CDK5RAP2: variants seen among roughly 807,000 people sequenced by gnomAD.
The protein encoded by CDK5RAP2 is CDK5 regulatory subunit-associated protein 2.
CDK5RAP2 carries 147 observed loss-of-function variants against 232.9 expected under a neutral mutation model. That is an observed-to-expected ratio of 0.63 (90% confidence interval 0.55 to 0.72). The LOEUF (loss-of-function observed/expected upper bound fraction) is 0.72. CDK5RAP2 is among the 30% of genes least tolerant of loss of function. The pLI, the probability that CDK5RAP2 is intolerant of heterozygous loss-of-function variation, is 0.00. For synonymous variants in CDK5RAP2, 833 were observed against 833.7 expected, an observed-to-expected ratio of 1.00 and a Z score of 0.01; for missense variants, 2,195 against 2,231.5, an observed-to-expected ratio of 0.98 and a Z score of 0.33.
intron 3 of CDK5RAP2, among the ~76,000 whole-genome samples, chr9:120,560,465 T>C (rs1467282265): frequency 6.6e-6 from 1 of 152,256 alleles, no homozygotes; most frequent in Non-Finnish European, 1.5e-5. Context: ...TGGTCTGTGC[T>C]GATCCTGGCT....
At chr9:120,562,787 G>A (rs759426238) in intron 3 of CDK5RAP2, among the ~76,000 whole-genome samples, 1 of 151,920 alleles carries the variant, frequency 6.6e-6, no homozygotes, top group East Asian at 1.9e-4. Context: ...CGCCCTGTTT[G>A]CTAAAGATCT....
intron 12 of CDK5RAP2, among the ~76,000 whole-genome samples, chr9:120,498,308 C>T (rs1256828902): frequency 3.3e-5 from 5 of 152,190 alleles, no homozygotes; most frequent in African/African-American, 9.7e-5. Flanking sequence ...ATTGCCCCCA[C>T]GACCTGGTGT....
intron 12 of CDK5RAP2, among the ~76,000 whole-genome samples, chr9:120,510,997 C>A (rs1280519649): frequency 1.3e-5 from 2 of 152,188 alleles, no homozygotes; most frequent in African/African-American, 4.8e-5. Context: ...GCTGAGTCAA[C>A]CGGCACTAGG....
chr9:120,543,401 A>G lies in CDK5RAP2; in HGVS notation c.383+2313T>C, dbSNP rs145396237. Among the ~76,000 whole-genome samples the G allele has an allele frequency of 3.6e-3, 548 of 152,312 alleles. 6 individuals carry two copies. The highest frequency in any genetic ancestry group is 0.012 in the African/African-American group (512 of 41,568). On this transcript the variant is annotated intron_variant, in intron 5 of 37. Coordinates refer to ENST00000349780, the MANE Select transcript of CDK5RAP2 (RefSeq NM_018249.6). ...TTTTAAGATAAAGATCAAAATCTCT[A>G]GTGTCTAGACTTCTCATATTCCCTC...
At chr9:120,472,530 G>A (rs2037771306) in intron 15 of CDK5RAP2, among the ~76,000 whole-genome samples, 1 of 152,124 alleles carries the variant, frequency 6.6e-6, no homozygotes, top group Non-Finnish European at 1.5e-5. Flanking sequence ...TGGGGGACAG[G>A]TGGGAAGAGA....
At position 120,563,922 on chromosome 9, in the gene CDK5RAP2, A is replaced by T. The variant is rs148454970; in HGVS notation, c.195+4399T>A. ...TTCAACAACAGGAATAAGGGCCTCAATGCAAGAATGCCAACATCTCAGGGC... is the reference window on the plus strand; with the variant it reads ...TTCAACAACAGGAATAAGGGCCTCATTGCAAGAATGCCAACATCTCAGGGC... On this transcript the variant is annotated intron_variant, in intron 3 of 37. Transcript: ENST00000349780. 7.3e-4 allele frequency among the ~76,000 whole-genome samples: 111 copies of T among 152,378 alleles called. 2 individuals carry two copies. Among genetic ancestry groups the T allele is most frequent in the Admixed American group, 5.6e-3 (86 of 15,312 alleles).
Position 120,484,025 on chromosome 9 carries a change from T to C in CDK5RAP2, c.1626+3269A>G, listed in dbSNP as rs2038461129. Among the ~76,000 whole-genome samples, 11 of 152,318 alleles carry C rather than the reference T, an allele frequency of 7.2e-5. No homozygotes were observed. The South Asian group carries it at 2.3e-3, about 32-fold the overall frequency. ...ACCATGCCAATAACCAAGCCATGAATCTCCGGCTGTAGTTAGTTAAATATG... is the reference window on the plus strand; with the variant it reads ...ACCATGCCAATAACCAAGCCATGAACCTCCGGCTGTAGTTAGTTAAATATG... On this transcript the variant is annotated intron_variant, in intron 14 of 37. Coordinates refer to ENST00000349780, the MANE Select transcript of CDK5RAP2 (RefSeq NM_018249.6).
chr9:120,406,843 T>C, intron 32 of CDK5RAP2, 169 bp downstream of exon 32: 1 of 613,720 alleles, frequency 1.6e-6, no homozygotes. Context: ...TTGCCCAAGG[T>C]GACCGCTAAT....
rs372862905 is a variant in CDK5RAP2 at position 120,527,833 on chromosome 9, G to C, written c.972C>G (p.Thr324=). ...LKRDKAIQGL[T]MALKSKEKKV... ...TTTTTTCCTTTGATTTTAATGCCATGGTTAAACCCTGAATGGCTTTATCCC... is the reference window on the plus strand; with the variant it reads ...TTTTTTCCTTTGATTTTAATGCCATCGTTAAACCCTGAATGGCTTTATCCC... Residue 324 remains threonine, a synonymous_variant, in exon 10 of 38, where the codon ACC becomes ACG. Coordinates refer to ENST00000349780, the MANE Select transcript of CDK5RAP2 (RefSeq NM_018249.6). 2 of 1,613,502 alleles carry C rather than the reference G, an allele frequency of 1.2e-6. No individual in the cohort carries two copies. Among genetic ancestry groups the C allele is most frequent in the Admixed American group, 1.7e-5 (1 of 59,990 alleles).
intron 12 of CDK5RAP2, among the ~76,000 whole-genome samples, chr9:120,496,650 C>T (rs2039270429): frequency 4.1e-5 from 6 of 145,482 alleles, no homozygotes; most frequent in Non-Finnish European, 4.6e-5. Flanking sequence ...GTGAGGAGCC[C>T]CTCTGCCCGG....
chr9:120,496,753 GC>G (rs2039285560), intron 12 of CDK5RAP2, among the ~76,000 whole-genome samples: 1 of 128,292 alleles, frequency 7.8e-6, no homozygotes, highest in South Asian at 2.4e-4. Flanking sequence ...TCAGCCCCCC[GC>G]CCGGCCAGCC....
chr9:120,443,626 C>T lies in CDK5RAP2; in HGVS notation c.3142G>A (p.Glu1048Lys), dbSNP rs760953533. 8 of 1,614,128 alleles carry T rather than the reference C, an allele frequency of 5.0e-6. No individual in the cohort carries two copies. In the South Asian group the frequency reaches 5.5e-5, roughly 11 times the overall value. ...ACAGGGGCTGAATTCTGACCAATCT[C>T]GTAGCTTCTTTGCTGATCACTGTCC... ...EMDSDQQRSYEIDSEICPPDD... is the reference protein window; with the variant it reads ...EMDSDQQRSYKIDSEICPPDD... Residue 1048 changes from glutamate to lysine, a missense_variant, in exon 23 of 38, where the codon GAG becomes AAG. By Grantham distance (56) the Glu-to-Lys change is moderately conservative. Coordinates refer to ENST00000349780, the MANE Select transcript of CDK5RAP2 (RefSeq NM_018249.6).
At chr9:120,555,847 TATGACAGA>T (rs748015448) in intron 3 of CDK5RAP2, among the ~76,000 whole-genome samples, 77 of 152,194 alleles carry the variant, frequency 5.1e-4, no homozygotes, top group Non-Finnish European at 9.3e-4. Context: ...TAGACATCCA[TATGACAGA>T]ATAGTGCTCA....
chr9:120,533,619 C>T (rs984431890), intron 7 of CDK5RAP2, among the ~76,000 whole-genome samples: 7 of 151,728 alleles, frequency 4.6e-5, no homozygotes, highest in African/African-American at 9.7e-5. Flanking sequence ...CATGGTGAAA[C>T]GCTGTCTCCA....
At chr9:120,499,389 T>G (rs1050890947) in intron 12 of CDK5RAP2, among the ~76,000 whole-genome samples, 13 of 147,366 alleles carry the variant, frequency 8.8e-5, no homozygotes, top group Admixed American at 1.4e-4. Flanking sequence ...TGAGCAGGGG[T>G]TTTTTTTTTA....
intron 12 of CDK5RAP2, among the ~76,000 whole-genome samples, chr9:120,509,597 T>C (rs1224081001): frequency 6.6e-6 from 1 of 152,232 alleles, no homozygotes. Context: ...TTTTCCACTA[T>C]TCCAAAGATG....
intron 35 of CDK5RAP2, among the ~76,000 whole-genome samples, chr9:120,397,051 G>T (rs572420855): frequency 6.6e-6 from 1 of 152,196 alleles, no homozygotes; most frequent in African/African-American, 2.4e-5. Context: ...CCCAGTGTCC[G>T]CAGGAGGTCA....
At chr9:120,485,483 C>T (rs1293482455) in intron 14 of CDK5RAP2, among the ~76,000 whole-genome samples, 2 of 151,924 alleles carry the variant, frequency 1.3e-5, no homozygotes, top group East Asian at 3.9e-4. Flanking sequence ...TTAGTAGAGA[C>T]GGGGTTTCAC....
intron 25 of CDK5RAP2, among the ~76,000 whole-genome samples, chr9:120,428,529 C>T (rs1367430306): frequency 6.6e-6 from 1 of 152,206 alleles, no homozygotes; most frequent in East Asian, 1.9e-4. Flanking sequence ...AATTCCTCGA[C>T]ACATACACTA....
Sources: gnomAD v4.1 joint callset for allele counts (sites outside exome capture counted in the v4.1 genomes callset) on GRCh38, gnomAD v4.1.1 for gene constraint, MANE v1.5 for transcripts, NCBI Gene and HGNC (gene_info 2026-07-23, HGNC 2026-07-21) for gene names.